Variants in CCNY observed in about 807,000 individuals in gnomAD.
CCNY encodes cyclin-Y.
CCNY carries 19 observed loss-of-function variants against 42.8 expected under a neutral mutation model. The ratio of observed to expected loss-of-function variants is 0.44; its 90% confidence interval spans 0.31 to 0.65. The LOEUF (loss-of-function observed/expected upper bound fraction) is 0.65, where lower values mean the gene tolerates loss of function less well. CCNY is among the 30% of genes least tolerant of loss of function. CCNY has a pLI of 0.07. For missense variants in CCNY, 370 were observed against 437.3 expected, an observed-to-expected ratio of 0.85 and a Z score of 1.37; for synonymous variants, 165 against 162.7, an observed-to-expected ratio of 1.01 and a Z score of -0.11.
intron 8 of CCNY, among the ~76,000 whole-genome samples, chr10:35,562,568 CT>C (rs1841487111): frequency 1.3e-5 from 2 of 152,230 alleles, no homozygotes; most frequent in South Asian, 4.1e-4. Context: ...ATCATACAGT[CT>C]GTGTCCTTCT....
chr10:35,538,982 T>C (rs1206428137), intron 7 of CCNY, among the ~76,000 whole-genome samples: 1 of 152,238 alleles, frequency 6.6e-6, no homozygotes, highest in African/African-American at 2.4e-5. Context: ...CATTCGTTCT[T>C]GTGCATTTGG....
At chr10:35,409,216 A>C (rs1187624976) in intron 1 of CCNY, among the ~76,000 whole-genome samples, 1 of 152,182 alleles carries the variant, frequency 6.6e-6, no homozygotes, top group Non-Finnish European at 1.5e-5. Flanking sequence ...CTGCCTTACC[A>C]GGCAGGTCTC....
intron 1 of CCNY, among the ~76,000 whole-genome samples, chr10:35,375,609 T>C (rs1382710235): frequency 1.3e-5 from 2 of 152,256 alleles, no homozygotes; most frequent in Non-Finnish European, 2.9e-5. Flanking sequence ...TCAGGAAAAC[T>C]GTTCTCTCCA....
intron 1 of CCNY, among the ~76,000 whole-genome samples, chr10:35,431,173 A>G (rs143523593): frequency 8.4e-4 from 128 of 152,144 alleles, no homozygotes; most frequent in African/African-American, 2.7e-3. Flanking sequence ...TTTCTGGTGA[A>G]TATGTTTATA....
chr10:35,515,481 G>A (rs1589171576), intron 3 of CCNY, among the ~76,000 whole-genome samples: 1 of 152,100 alleles, frequency 6.6e-6, no homozygotes, highest in Non-Finnish European at 1.5e-5. Flanking sequence ...ATTGAACAGG[G>A]CATTTGGTCT....
chr10:35,552,907 A>T, intron 7 of CCNY, 112 bp from the exon 8 acceptor site: 2 of 1,081,148 alleles, frequency 1.8e-6, no homozygotes, highest in Non-Finnish European at 2.7e-6. Flanking sequence ...GTGATTGGGT[A>T]ATAAATTCCC....
chr10:35,431,134 ATACT>A (rs937750184), intron 1 of CCNY, among the ~76,000 whole-genome samples: 2 of 151,996 alleles, frequency 1.3e-5, no homozygotes, highest in African/African-American at 2.4e-5. Flanking sequence ...AAAAAAATTA[ATACT>A]TACATTAATC....
chr10:35,247,369 G>A (rs2095708722), intron 1 of CCNY, among the ~76,000 whole-genome samples: 1 of 152,126 alleles, frequency 6.6e-6, no homozygotes, highest in South Asian at 2.1e-4. Context: ...TGAGGTGGGA[G>A]AATCACTGGA....
At chr10:35,412,424 CAGAT>C (rs1164164469) in intron 1 of CCNY, among the ~76,000 whole-genome samples, 2 of 152,052 alleles carry the variant, frequency 1.3e-5, no homozygotes, top group Non-Finnish European at 2.9e-5. Flanking sequence ...TACAACTTGA[CAGAT>C]AGAAGAATCA....
intron 7 of CCNY, among the ~76,000 whole-genome samples, chr10:35,538,127 T>C (rs188246454): frequency 2.0e-5 from 3 of 152,332 alleles, no homozygotes; most frequent in Admixed American, 1.3e-4. Context: ...CTCTGCCTGC[T>C]GCCATCCATG....
chr10:35,494,712 C>T (rs1204009994), intron 2 of CCNY, among the ~76,000 whole-genome samples: 1 of 152,164 alleles, frequency 6.6e-6, no homozygotes, highest in Non-Finnish European at 1.5e-5. Context: ...AGTCAAAATG[C>T]TAACACACCA....
At chr10:35,415,984 A>G (rs1011025051) in intron 1 of CCNY, among the ~76,000 whole-genome samples, 21 of 152,190 alleles carry the variant, frequency 1.4e-4, no homozygotes, top group Non-Finnish European at 2.9e-4. Flanking sequence ...TCAGGAAGAA[A>G]TTAGTTGCTC....
intron 3 of CCNY, among the ~76,000 whole-genome samples, chr10:35,330,164 T>C (rs1471789616): frequency 6.6e-6 from 1 of 152,174 alleles, no homozygotes; most frequent in Non-Finnish European, 1.5e-5. Flanking sequence ...CCCCTCCCAA[T>C]GCCAGTCACC....
intron 8 of CCNY, among the ~76,000 whole-genome samples, chr10:35,559,405 G>A (rs903922993): frequency 6.6e-6 from 1 of 152,182 alleles, no homozygotes; most frequent in Non-Finnish European, 1.5e-5. Flanking sequence ...TACTGTGAGA[G>A]GAGAGAGAGA....
At chr10:35,266,615 G>A (rs1389315897) in intron 3 of CCNY, among the ~76,000 whole-genome samples, 14 of 152,080 alleles carry the variant, frequency 9.2e-5, no homozygotes, top group Admixed American at 9.2e-4. Flanking sequence ...AATGTAACAA[G>A]AGCCCTAATG....
At chr10:35,353,772 G>A (rs1175845269) in intron 1 of CCNY, among the ~76,000 whole-genome samples, 1 of 152,184 alleles carries the variant, frequency 6.6e-6, no homozygotes, top group East Asian at 1.9e-4. Context: ...TTTTTAATGT[G>A]ATGTTAGTCT....
chr10:35,487,952 CTTAT>C (rs1242639287), intron 2 of CCNY, among the ~76,000 whole-genome samples: 3 of 152,098 alleles, frequency 2.0e-5, no homozygotes, highest in Non-Finnish European at 4.4e-5. Context: ...CTTTTCTGTA[CTTAT>C]TTTAGTTCAT....
At chr10:35,330,968 C>G (rs1197750871) in intron 3 of CCNY, among the ~76,000 whole-genome samples, 1 of 152,198 alleles carries the variant, frequency 6.6e-6, no homozygotes, top group Admixed American at 6.5e-5. Flanking sequence ...CCATGTTGGC[C>G]AGGCTGGTCT....
At chr10:35,283,943 G>A (rs1835325118) in intron 3 of CCNY, among the ~76,000 whole-genome samples, 1 of 151,986 alleles carries the variant, frequency 6.6e-6, no homozygotes, top group Non-Finnish European at 1.5e-5. Context: ...AATTAGCCGG[G>A]CTTGGTGGCA....
Sources: gnomAD v4.1 joint callset for allele counts (sites outside exome capture counted in the v4.1 genomes callset) on GRCh38, gnomAD v4.1.1 for gene constraint, MANE v1.5 for transcripts, NCBI Gene and HGNC (gene_info 2026-07-23, HGNC 2026-07-21) for gene names.